TBC1D9: variants seen among roughly 807,000 people sequenced by gnomAD.
The protein encoded by TBC1D9 is TBC1 domain family member 9A.
Under a neutral mutation model 132.0 loss-of-function variants are expected in TBC1D9, and 63 were observed. That is an observed-to-expected ratio of 0.48 (90% confidence interval 0.39 to 0.59). The LOEUF is 0.59. TBC1D9 is among the 20% of genes least tolerant of loss of function. TBC1D9 has a pLI of 0.00. For missense variants in TBC1D9, 1,261 were observed against 1,592.7 expected, an observed-to-expected ratio of 0.79 and a Z score of 3.54; for synonymous variants, 610 against 609.9, an observed-to-expected ratio of 1.00 and a Z score of 0.00.
At chr4:140,674,274 A>T (rs1290470449) in intron 6 of TBC1D9, among the ~76,000 whole-genome samples, 1 of 152,188 alleles carries the variant, frequency 6.6e-6, no homozygotes, top group Non-Finnish European at 1.5e-5. Flanking sequence ...TACCCACAAC[A>T]TATCTTGGCC....
At chr4:140,684,912 G>T (rs937828347) in intron 3 of TBC1D9, among the ~76,000 whole-genome samples, 2 of 151,910 alleles carry the variant, frequency 1.3e-5, no homozygotes, top group African/African-American at 4.8e-5. Flanking sequence ...GGGATAGTGT[G>T]AGCACCAAAA....
intron 13 of TBC1D9, among the ~76,000 whole-genome samples, chr4:140,652,256 A>G (rs1483454252): frequency 1.3e-5 from 2 of 152,114 alleles, no homozygotes; most frequent in Non-Finnish European, 2.9e-5. Flanking sequence ...AAAAAAAAAA[A>G]AAAAAGATTT....
intron 2 of TBC1D9, among the ~76,000 whole-genome samples, chr4:140,687,343 C>CTTATATATATAT (rs1491570009): frequency 7.9e-5 from 3 of 37,908 alleles, no homozygotes; most frequent in African/African-American, 1.9e-4. Context: ...GTGTGTGTGT[C>CTTATATATATAT]ATATATATAT....
chr4:140,660,918 T>C (rs574514872), intron 10 of TBC1D9, among the ~76,000 whole-genome samples: 3 of 39,720 alleles, frequency 7.6e-5, no homozygotes, highest in African/African-American at 2.3e-4. Flanking sequence ...TGATTCTTTC[T>C]TTTTTTTTTA....
Position 140,669,662 on chromosome 4 carries a change from C to A in TBC1D9, c.1409G>T (p.Arg470Leu), listed in dbSNP as rs768297413. 9 of 1,612,374 alleles carry A rather than the reference C, an allele frequency of 5.6e-6. No individual in the cohort carries two copies. Among genetic ancestry groups the A allele is most frequent in the Non-Finnish European group, 7.6e-6 (9 of 1,178,788 alleles). Residue 470 changes from arginine to leucine, a missense_variant, in exon 8 of 21, where the codon CGG becomes CTG. By Grantham distance (102) the Arg-to-Leu change is moderately radical (BLOSUM62 -2). Around this residue, in one of 3 missense-constraint regions of TBC1D9, gnomAD observed 550 missense variants for 699.0 expected, o/e 0.79. Transcript: ENST00000442267. ...TQTLMTMYRR[R>L]SPEEFNPKLA... is the part of the protein sequence containing the mutation. Reference sequence around the variant, plus strand: ...TTTCGGGTTGAACTCCTCGGGAGACCGCCGCCGATACATGGTCATCAGGGT... The same window carrying A: ...TTTCGGGTTGAACTCCTCGGGAGACAGCCGCCGATACATGGTCATCAGGGT...
At chr4:140,698,100 C>T (rs755628380) in intron 2 of TBC1D9, among the ~76,000 whole-genome samples, 9 of 152,190 alleles carry the variant, frequency 5.9e-5, no homozygotes, top group Non-Finnish European at 1.2e-4. Flanking sequence ...GACTATGAAA[C>T]GATTCTAGAT....
intron 20 of TBC1D9, among the ~76,000 whole-genome samples, 183 bp downstream of exon 20, chr4:140,623,933 T>G (rs1279225159): frequency 1.3e-5 from 2 of 152,168 alleles, no homozygotes; most frequent in African/African-American, 4.8e-5. Context: ...AAGTCGTTTT[T>G]TCACAATGGA....
At chr4:140,700,147 A>G (rs1738041851) in intron 2 of TBC1D9, among the ~76,000 whole-genome samples, 2 of 151,694 alleles carry the variant, frequency 1.3e-5, no homozygotes, top group African/African-American at 4.8e-5. Flanking sequence ...AAAAGAAATT[A>G]TATTAAAAAA....
chr4:140,645,694 C>T (rs538853373), intron 13 of TBC1D9, among the ~76,000 whole-genome samples: 1 of 152,304 alleles, frequency 6.6e-6, no homozygotes, highest in Admixed American at 6.5e-5. Flanking sequence ...GCCCTTCATG[C>T]TCTTTCCACC....
intron 2 of TBC1D9, among the ~76,000 whole-genome samples, chr4:140,696,350 G>A (rs1416268535): frequency 6.6e-6 from 1 of 150,832 alleles, no homozygotes; most frequent in Non-Finnish European, 1.5e-5. Context: ...CCAGCTACTC[G>A]GGAGGTTGAG....
chr4:140,645,256 T>C (rs1349861185), intron 13 of TBC1D9: 8 of 526,970 alleles, frequency 1.5e-5, no homozygotes, highest in Non-Finnish European at 3.0e-5. Context: ...AGTCCTCATC[T>C]GCTTGGCTGT....
chr4:140,693,203 T>A (rs577287554), intron 2 of TBC1D9, among the ~76,000 whole-genome samples: 2 of 152,284 alleles, frequency 1.3e-5, no homozygotes, highest in South Asian at 2.1e-4. Context: ...GCTCAAGTGA[T>A]CTTCCCCACC....
At chr4:140,643,722 G>T in intron 13 of TBC1D9, 1 of 1,216,760 alleles carries the variant, frequency 8.2e-7, no homozygotes, top group South Asian at 1.4e-5. Context: ...GCAGGGTTCT[G>T]TCCGGCCCGG....
At chr4:140,727,605 T>C (rs978714025) in intron 1 of TBC1D9, among the ~76,000 whole-genome samples, 3 of 152,200 alleles carry the variant, frequency 2.0e-5, no homozygotes, top group Non-Finnish European at 4.4e-5. Flanking sequence ...AAGAAACTAA[T>C]TTCCATATTA....
At chr4:140,696,981 G>A (rs1018679572) in intron 2 of TBC1D9, among the ~76,000 whole-genome samples, 39 of 152,218 alleles carry the variant, frequency 2.6e-4, no homozygotes, top group African/African-American at 8.9e-4. Context: ...ATAAGATACA[G>A]ATATATTTTA....
At chr4:140,640,333 G>A (rs1008850722) in intron 13 of TBC1D9, among the ~76,000 whole-genome samples, 27 of 151,894 alleles carry the variant, frequency 1.8e-4, no homozygotes, top group Non-Finnish European at 7.4e-5. Flanking sequence ...GTGAAAAGGT[G>A]GGGAAGAGGG....
At chr4:140,712,750 T>C (rs1176117208) in intron 1 of TBC1D9, among the ~76,000 whole-genome samples, 1 of 62,932 alleles carries the variant, frequency 1.6e-5, no homozygotes, top group Non-Finnish European at 3.1e-5. Flanking sequence ...CTCAAAAAAA[T>C]AGATAGATAG....
intron 1 of TBC1D9, among the ~76,000 whole-genome samples, chr4:140,751,967 T>C (rs368767509): frequency 3.3e-5 from 5 of 152,230 alleles, no homozygotes; most frequent in East Asian, 3.8e-4. Flanking sequence ...GGAACTTCCA[T>C]ATGCTGCTGG....
At chr4:140,741,312 C>T (rs879690261) in intron 1 of TBC1D9, among the ~76,000 whole-genome samples, 3 of 152,208 alleles carry the variant, frequency 2.0e-5, no homozygotes, top group Non-Finnish European at 4.4e-5. Flanking sequence ...GCAAAGCTAT[C>T]TCTTGTGGGG....
Sources: gnomAD v4.1 joint callset for allele counts (sites outside exome capture counted in the v4.1 genomes callset) on GRCh38, gnomAD v4.1.1 for gene constraint, gnomAD v4.1.1 regional missense constraint, MANE v1.5 for transcripts, NCBI Gene and HGNC (gene_info 2026-07-23, HGNC 2026-07-21) for gene names.